TEX11: variants seen among roughly 807,000 people sequenced by gnomAD.
TEX11 encodes testis-expressed protein 11.
Under a neutral mutation model 84.4 loss-of-function variants are expected in TEX11, and 7 were observed. The ratio of observed to expected loss-of-function variants is 0.08; its 90% CI spans 0.05 to 0.16. TEX11 has a LOEUF of 0.16. TEX11 is among the 10% of genes least tolerant of loss of function. TEX11 has a pLI of 1.00. For synonymous variants in TEX11, 264 were observed against 222.8 expected, an observed-to-expected ratio of 1.18 and a Z score of -1.64; for missense variants, 551 against 660.5, an observed-to-expected ratio of 0.83 and a Z score of 1.82.
intron 24 of TEX11, among the ~76,000 whole-genome samples, chrX:70,601,489 A>G (rs1313475915): frequency 5.8e-5 from 6 of 103,107 alleles, no homozygotes; most frequent in Non-Finnish European, 9.9e-5. Context: ...ATCAATAGAA[A>G]AAGAGGGAAT....
intron 18 of TEX11, among the ~76,000 whole-genome samples, chrX:70,626,471 C>T (rs2089452925): frequency 9.0e-6 from 1 of 110,956 alleles, no homozygotes; most frequent in South Asian, 3.9e-4. Flanking sequence ...TCCAGCAATC[C>T]TTCAACTGCA....
intron 25 of TEX11, among the ~76,000 whole-genome samples, chrX:70,563,877 A>G (rs958420896): frequency 8.9e-6 from 1 of 112,473 alleles, no homozygotes; most frequent in African/African-American, 3.2e-5. Flanking sequence ...TCCTTTTTAT[A>G]TATTGCTGGA....
chrX:70,675,595 C>T (rs1018771350), intron 15 of TEX11, among the ~76,000 whole-genome samples: 2 of 107,347 alleles, frequency 1.9e-5, no homozygotes, highest in Admixed American at 1.0e-4. Flanking sequence ...TTTCTCTTCT[C>T]GTTTCTCTTC....
At chrX:70,689,516 G>T (rs1372697187) in intron 13 of TEX11, among the ~76,000 whole-genome samples, 1 of 111,550 alleles carries the variant, frequency 9.0e-6, no homozygotes, top group East Asian at 2.8e-4. Flanking sequence ...TTGTCAGAAA[G>T]AAAGGAATTG....
chrX:70,801,673 CTTTCT>C (rs1259068744), intron 9 of TEX11, among the ~76,000 whole-genome samples: 1 of 41,913 alleles, frequency 2.4e-5, no homozygotes, highest in African/African-American at 8.5e-5. Flanking sequence ...TTCTTTCTTT[CTTTCT>C]TTCTTTCTTC....
In TEX11 at chrX:70,745,564, G is replaced by A. The variant is rs150427255; in HGVS notation, c.693-1345C>T. On this transcript the variant is annotated intron_variant, in intron 9 of 29. Transcript: ENST00000374333. The stretch of plus-strand genomic sequence containing the variant: ...AGCTTGGCCAACATGGTGAAACCCC[G>A]TCTCTACTAATAATACAAAAATTAG... Among the ~76,000 whole-genome samples, 206 of 110,659 alleles carry A rather than the reference G, an allele frequency of 1.9e-3. 3 individuals are homozygous for A. The East Asian group carries it at 0.043, about 23-fold the overall frequency.
chrX:70,811,159 A>C (rs1384189848), intron 8 of TEX11, among the ~76,000 whole-genome samples: 2 of 110,348 alleles, frequency 1.8e-5, no homozygotes, highest in East Asian at 2.9e-4. Context: ...ATATCTCCTA[A>C]TGCGATCCCT....
In TEX11 at chrX:70,591,631, A is replaced by G. The variant is rs2088931865; in HGVS notation, c.2140+120T>C. 3 of 486,363 alleles carry G rather than the reference A, an allele frequency of 6.2e-6. No individual in the cohort carries two copies. The African/African-American group carries it at 7.2e-5, about 12-fold the overall frequency. The allele number at this position is 486,363 out of a possible 1,213,427, so 40.1% of individuals were successfully genotyped here. On this transcript the variant is annotated intron_variant, in intron 25 of 29. Transcript: ENST00000374333. ...AAAACAAACAAAACAACAGAAAAAA[A>G]AAACATTTGACTGGTTATCAAGTAC...
intron 13 of TEX11, among the ~76,000 whole-genome samples, chrX:70,712,316 A>G (rs1039102747): frequency 7.2e-5 from 8 of 111,554 alleles, no homozygotes; most frequent in African/African-American, 2.3e-4. Flanking sequence ...GCTTTTTCCA[A>G]TTCTGTGAAG....
At chrX:70,882,699 C>A (rs997788273) in intron 2 of TEX11, among the ~76,000 whole-genome samples, 12 of 109,726 alleles carry the variant, frequency 1.1e-4, no homozygotes, top group African/African-American at 4.0e-4. Context: ...AGGATCACTC[C>A]AGCCCAGGAG....
chrX:70,623,885 T>G, intron 20 of TEX11, 65 bp downstream of exon 20: 3 of 977,952 alleles, frequency 3.1e-6, no homozygotes, highest in Non-Finnish European at 2.9e-6. Flanking sequence ...GAATATATGA[T>G]TTATATTGTA....
chrX:70,643,824 G>T (rs2089699680), intron 17 of TEX11, among the ~76,000 whole-genome samples: 1 of 110,117 alleles, frequency 9.1e-6, no homozygotes, highest in African/African-American at 3.3e-5. Context: ...AACCCTAGAA[G>T]AAATCCTAGG....
chrX:70,596,619 G>A (rs950932226), intron 24 of TEX11, among the ~76,000 whole-genome samples: 1 of 110,504 alleles, frequency 9.0e-6, no homozygotes, highest in African/African-American at 3.3e-5. Flanking sequence ...CAAAATGTAT[G>A]GGATGCAGTT....
At position 70,568,125 on chromosome X, in the gene TEX11, C is replaced by G. The variant is rs184118108; in HGVS notation, c.2141-13325G>C. Among the ~76,000 whole-genome samples the G allele has an allele frequency of 1.6e-4, 18 of 111,755 alleles. No individual in the cohort carries two copies. The East Asian group carries it at 2.5e-3, about 16-fold the overall frequency. ...GCATATATATTTAGGATAGTTAGCT[C>G]TTCTTGTTGAATTGATCCCTTTACC... On this transcript the variant is annotated intron_variant, in intron 25 of 29. Coordinates refer to ENST00000374333, the MANE Select transcript of TEX11 (RefSeq NM_031276.3).
chrX:70,517,088 C>G, the TEX11 span, among the ~76,000 whole-genome samples: 1 of 111,624 alleles, frequency 9.0e-6, no homozygotes, highest in Admixed American at 9.6e-5. Context: ...TTGGCTTCCT[C>G]TTTTCCTAAT....
intron 16 of TEX11, among the ~76,000 whole-genome samples, chrX:70,655,831 G>C (rs1439578554): frequency 9.1e-6 from 1 of 109,760 alleles, no homozygotes; most frequent in Non-Finnish European, 1.9e-5. Context: ...AGCATCCCTA[G>C]GAAACTAATA....
Position 70,853,069 on chromosome X carries a change from C to T in TEX11, c.490G>A (p.Asp164Asn), listed in dbSNP as rs779587803. Residue 164 changes from aspartate (D) to asparagine (N), a missense_variant, in exon 7 of 30, where the codon GAC becomes AAC. Transcript: ENST00000374333. ...LTMEKITVES[D>N]HFRVLSYQAE... ...TGGTAAGAAAGCACTCTGAAGTGGT[C>T]ACTCTCAACAGTAATCTTCTCCATG... 3 of 1,208,578 alleles carry T rather than the reference C, an allele frequency of 2.5e-6. No homozygotes were observed. Among genetic ancestry groups the T allele is most frequent in the Non-Finnish European group, 2.2e-6 (2 of 893,761 alleles).
At chrX:70,663,592 A>G (rs762613988) in intron 16 of TEX11, among the ~76,000 whole-genome samples, 57 of 111,265 alleles carry the variant, frequency 5.1e-4, no homozygotes, top group African/African-American at 1.7e-3. Context: ...CCTCCTTTAT[A>G]AGTGGTGCCC....
At chrX:70,676,440 G>A (rs1256966727) in intron 15 of TEX11, among the ~76,000 whole-genome samples, 5 of 112,009 alleles carry the variant, frequency 4.5e-5, no homozygotes, top group African/African-American at 1.6e-4. Context: ...GTTCTTGCTT[G>A]CATTACTTCC....
Sources: allele counts gnomAD v4.1 joint callset (sites outside exome capture counted in the v4.1 genomes callset), GRCh38; gene constraint gnomAD v4.1.1; transcripts MANE v1.5; gene names NCBI Gene and HGNC (gene_info 2026-07-23, HGNC 2026-07-21).